The following TAAR2 variants were observed in gnomAD, a reference collection of about 807,000 sequenced individuals.
TAAR2 encodes the protein trace amine associated receptor 2, also known as trace amine-associated receptor 2.
Under a neutral mutation model 25.5 loss-of-function variants are expected in TAAR2, and 30 were observed. The observed-to-expected ratio is 1.18, with a 90% CI of 0.88 to 1.60. TAAR2 has a LOEUF of 1.60. TAAR2 is among the 40% of genes most tolerant of loss of function. The pLI, the probability that TAAR2 is intolerant of heterozygous loss-of-function variation, is 0.00. For missense variants in TAAR2, 481 were observed against 416.5 expected, an observed-to-expected ratio of 1.15 and a Z score of -1.35; for synonymous variants, 150 against 142.4, an observed-to-expected ratio of 1.05 and a Z score of -0.38.
intron 1 of TAAR2, among the ~76,000 whole-genome samples, chr6:132,622,516 C>T (rs1189519270): frequency 2.0e-5 from 2 of 101,232 alleles, no homozygotes; most frequent in African/African-American, 3.5e-5. Context: ...GGCGGAGTCT[C>T]CCTCTGTAGC....
chr6:132,618,316 T>C (rs1777328858), intron 1 of TAAR2, 171 bp from the exon 2 acceptor site: 3 of 785,476 alleles, frequency 3.8e-6, no homozygotes, highest in African/African-American at 1.8e-5. Flanking sequence ...TTATTTGTAA[T>C]TTTGTAGAAT....
In TAAR2 at chr6:132,617,718, A is replaced by G; in HGVS notation, c.488T>C (p.Leu163Ser). The change falls in exon 2 of 2, where the codon TTG becomes TCG. Residue 163 changes from leucine (L) to serine (S), a missense_variant. Physicochemically the swap from Leu to Ser is moderately radical, Grantham distance 145. Transcript: ENST00000367931. ...AGGGACCGACCAACATAGAAGTAGCAATCTTTTAATGACTGGAATAGTTAT... is the reference window on the plus strand; with the variant it reads ...AGGGACCGACCAACATAGAAGTAGCGATCTTTTAATGACTGGAATAGTTAT... Reference protein sequence around the residue: ...TKITIPVIKRLLLLCWSVPGA... With the variant: ...TKITIPVIKRSLLLCWSVPGA... 1 of 1,613,988 alleles carries G rather than the reference A, an allele frequency of 6.2e-7. No individual in the cohort carries two copies. Among genetic ancestry groups the G allele is most frequent in the Non-Finnish European group, 8.5e-7 (1 of 1,179,984 alleles).
At position 132,617,225 on chromosome 6, in the gene TAAR2, C is replaced by G; in HGVS notation, c.981G>C (p.Lys327Asn). The change falls in exon 2 of 2, where the codon AAG (lysine) becomes AAC (asparagine). Residue 327 changes from lysine to asparagine, a missense_variant. Lys to Asn is a moderately conservative substitution (Grantham distance 94, BLOSUM62 0). Transcript: ENST00000367931. ...TGAAAATTTTACCTAGCAAAATGTA[C>G]TTCAGTGCTCTGCGAAACCAGGGAT... ...FFYPWFRRAL[K>N]YILLGKIFSS... is the part of the protein sequence containing the mutation. The G allele has an allele frequency of 6.2e-7, 1 of 1,612,686 alleles. No individual in the cohort carries two copies. Among genetic ancestry groups the G allele is most frequent in the South Asian group, 1.1e-5 (1 of 90,560 alleles).
In TAAR2 at chr6:132,618,066, T is replaced by A; in HGVS notation, c.140A>T (p.Tyr47Phe). ...ERSLGVRVAM[Y>F]SFMAGSIFIT... ...GAATATGGATCCTGCCATAAATGAATACATAGCCACTCGGACACCCAGAGA... is the reference window on the plus strand; with the variant it reads ...GAATATGGATCCTGCCATAAATGAAAACATAGCCACTCGGACACCCAGAGA... Residue 47 changes from tyrosine to phenylalanine, a missense_variant, in exon 2 of 2, where the codon TAT becomes TTT. Coordinates refer to ENST00000367931, the MANE Select transcript of TAAR2 (RefSeq NM_001033080.1). 6.2e-7 allele frequency: 1 copy of A among 1,614,014 alleles called. No individual in the cohort carries two copies. Among genetic ancestry groups the A allele is most frequent in the East Asian group, 2.2e-5 (1 of 44,842 alleles).
chr6:132,624,231 T>C lies in TAAR2; in HGVS notation c.45A>G (p.Arg15=). ...AAGGGCCTACCTTTTTTGTCTGTGT[T>C]CTTTTGAAATGTGAAAGTTCATGTT... ...SEQHELSHFK[R]TQTKKEKFNC... Residue 15 remains arginine, a synonymous_variant, in exon 1 of 2, where the codon AGA becomes AGG. Transcript: ENST00000367931. 6.2e-6 allele frequency: 10 copies of C among 1,613,514 alleles called. No individual in the cohort carries two copies. The highest frequency in any genetic ancestry group is 8.5e-6 in the Non-Finnish European group (10 of 1,179,674).
rs1414311937 is a variant in TAAR2 at position 132,617,694 on chromosome 6, G to T, written c.512C>A (p.Pro171His). Residue 171 changes from proline to histidine, a missense_variant, in exon 2 of 2, where the codon CCT (proline) becomes CAT (histidine). Physicochemically the swap from Pro to His is moderately conservative, Grantham distance 77. Transcript: ENST00000367931. Reference protein sequence around the residue: ...KRLLLLCWSVPGAFAFGVVFS... With the variant: ...KRLLLLCWSVHGAFAFGVVFS... ...GACCACCCCGAAGGCAAATGCTCCA[G>T]GGACCGACCAACATAGAAGTAGCAA... The T allele has an allele frequency of 6.2e-7, 1 of 1,613,922 alleles. No individual in the cohort carries two copies. The highest frequency in any genetic ancestry group is 8.5e-7 in the Non-Finnish European group (1 of 1,179,982).
intron 1 of TAAR2, among the ~76,000 whole-genome samples, chr6:132,620,342 A>G (rs1403233426): frequency 6.6e-6 from 1 of 152,206 alleles, no homozygotes; most frequent in East Asian, 1.9e-4. Context: ...CATACCACAA[A>G]ATAGAAACAC....
intron 1 of TAAR2, among the ~76,000 whole-genome samples, chr6:132,619,513 T>C (rs1314471105): frequency 2.0e-5 from 3 of 152,032 alleles, no homozygotes; most frequent in African/African-American, 7.2e-5. Context: ...CCAGCCTCTG[T>C]GATATAAGAG....
chr6:132,617,352 T>G lies in TAAR2; in HGVS notation c.854A>C (p.Asp285Ala). The change falls in exon 2 of 2, where the codon GAT becomes GCT. Residue 285 changes from aspartate to alanine, a missense_variant. By Grantham distance (126) the Asp-to-Ala change is moderately radical (BLOSUM62 -2). Coordinates refer to ENST00000367931, the MANE Select transcript of TAAR2 (RefSeq NM_001033080.1). ...AGGAGTAGAGAAGTTCAAAAAGGGATCCAATAAAATTGTGAAGAAACAAGG... is the reference window on the plus strand; with the variant it reads ...AGGAGTAGAGAAGTTCAAAAAGGGAGCCAATAAAATTGTGAAGAAACAAGG... ...WFPCFFTILL[D>A]PFLNFSTPVV... 1 of 1,613,608 alleles carries G rather than the reference T, an allele frequency of 6.2e-7. No homozygotes were observed. The highest frequency in any genetic ancestry group is 1.3e-5 in the African/African-American group (1 of 75,010).
chr6:132,618,102 T>G lies in TAAR2; in HGVS notation c.104A>C (p.Glu35Ala), dbSNP rs1360632021. Residue 35 changes from glutamate to alanine, a missense_variant, in exon 2 of 2, where the codon GAA becomes GCA. Physicochemically the swap from Glu to Ala is moderately radical, Grantham distance 107. Transcript: ENST00000367931. ...CSEYGNRSCP[E>A]NERSLGVRVA... Reference sequence around the variant, plus strand: ...TCGGACACCCAGAGATCTTTCATTTTCTGGGCAAGATCTATTTCCATATTC... The same window carrying G: ...TCGGACACCCAGAGATCTTTCATTTGCTGGGCAAGATCTATTTCCATATTC... The G allele has an allele frequency of 1.2e-6, 2 of 1,611,764 alleles. No homozygotes were observed. The highest frequency in any genetic ancestry group is 4.5e-5 in the East Asian group (2 of 44,828).
chr6:132,618,129 G>C lies in TAAR2; in HGVS notation c.77C>G (p.Ser26Cys). ...TQTKKEKFNC[S>C]EYGNRSCPEN... ...TGGGCAAGATCTATTTCCATATTCA[G>C]AGCAATTGAATTTTTCCTTCAAAAA... The change falls in exon 2 of 2, where the codon TCT becomes TGT. Residue 26 changes from serine (S) to cysteine (C), a missense_variant. By Grantham distance (112) the Ser-to-Cys change is moderately radical. Coordinates refer to ENST00000367931, the MANE Select transcript of TAAR2 (RefSeq NM_001033080.1). The C allele has an allele frequency of 1.3e-6, 2 of 1,575,688 alleles. No homozygotes were observed. The highest frequency in any genetic ancestry group is 1.7e-6 in the Non-Finnish European group (2 of 1,163,670).
chr6:132,620,872 A>T (rs1472270626), intron 1 of TAAR2, among the ~76,000 whole-genome samples: 6 of 150,538 alleles, frequency 4.0e-5, no homozygotes. Context: ...GCTATTCCTA[A>T]CATTGTCACA....
rs2114608033 is a variant in TAAR2, at chr6:132,617,761, A to G, written c.445T>C (p.Leu149=). 2 of 1,614,072 alleles carry G rather than the reference A, an allele frequency of 1.2e-6. No homozygotes were observed. Among genetic ancestry groups the G allele is most frequent in the Non-Finnish European group, 1.7e-6 (2 of 1,179,988 alleles). Residue 149 remains leucine (L), a synonymous_variant, in exon 2 of 2, where the codon TTA becomes CTA. Transcript: ENST00000367931. ...IDRFYAICYP[L]LYSTKITIPV... ...ATAGTTATTTTGGTGGAATAAAGTA[A>G]TGGGTAACATATAGCATAAAATCTA...
In TAAR2 at chr6:132,617,242, A is replaced by G; in HGVS notation, c.964T>C (p.Phe322Leu). Reference protein sequence around the residue: ...PLIYGFFYPWFRRALKYILLG... With the variant: ...PLIYGFFYPWLRRALKYILLG... ...AAAATGTACTTCAGTGCTCTGCGAA[A>G]CCAGGGATAGAAGAAACCATATATT... The change falls in exon 2 of 2, where the codon TTT (phenylalanine) becomes CTT (leucine). Residue 322 changes from phenylalanine to leucine, a missense_variant. Phe to Leu is a conservative substitution (Grantham distance 22). Transcript: ENST00000367931. The G allele has an allele frequency of 5.0e-6, 8 of 1,613,630 alleles. No homozygotes were observed. Among genetic ancestry groups the G allele is most frequent in the Non-Finnish European group, 6.8e-6 (8 of 1,179,886 alleles).
rs377414447 is a variant in TAAR2, at chr6:132,624,184, G to A, written c.60+32C>T. The A allele has an allele frequency of 3.7e-6, 6 of 1,600,524 alleles. 1 individual carries two copies. The South Asian group carries it at 6.6e-5, about 18-fold the overall frequency. On this transcript the variant is annotated intron_variant, in intron 1 of 1. Coordinates refer to ENST00000367931, the MANE Select transcript of TAAR2 (RefSeq NM_001033080.1). ...GCCAAAATCTTCTCAGATGCTACTG[G>A]TTTAAACTTAGTCATATGTTTAAGG...
rs775518542 is a variant in TAAR2 at position 132,617,325 on chromosome 6, A to G, written c.881T>C (p.Val294Ala). 1.9e-6 allele frequency: 3 copies of G among 1,613,782 alleles called. No homozygotes were observed. The highest frequency in any genetic ancestry group is 2.5e-6 in the Non-Finnish European group (3 of 1,179,930). Residue 294 changes from valine (V) to alanine (A), a missense_variant, in exon 2 of 2, where the codon GTA becomes GCA. Coordinates refer to ENST00000367931, the MANE Select transcript of TAAR2 (RefSeq NM_001033080.1). ...LDPFLNFSTPVVLFDALTWFG... is the reference protein window; with the variant it reads ...LDPFLNFSTPAVLFDALTWFG... ...CCATGTCAAGGCATCAAACAAAACT[A>G]CAGGAGTAGAGAAGTTCAAAAAGGG...
At chr6:132,618,171 T>A in intron 1 of TAAR2, 26 bp from the exon 2 acceptor site, 1 of 1,534,598 alleles carries the variant, frequency 6.5e-7, no homozygotes, top group Non-Finnish European at 8.7e-7. Flanking sequence ...ACAGATAGAA[T>A]TTTGTCAGAA....
intron 1 of TAAR2, among the ~76,000 whole-genome samples, chr6:132,619,272 G>A (rs1346317420): frequency 3.3e-5 from 5 of 152,166 alleles, no homozygotes; most frequent in Non-Finnish European, 7.4e-5. Context: ...CTTGTGTTGG[G>A]CCAGAATGCT....
At chr6:132,622,478 CTT>C (rs1156767001) in intron 1 of TAAR2, among the ~76,000 whole-genome samples, 743 of 57,368 alleles carry the variant, frequency 0.013, 4 homozygotes, top group African/African-American at 0.052. Context: ...TTAGTAACCA[CTT>C]TTTTTTTTTT....
Sources: allele counts gnomAD v4.1 joint callset (sites outside exome capture counted in the v4.1 genomes callset), GRCh38; gene constraint gnomAD v4.1.1; transcripts MANE v1.5; gene names NCBI Gene and HGNC (gene_info 2026-07-23, HGNC 2026-07-21).